RYR2: variants seen among roughly 807,000 people sequenced by gnomAD.
RYR2 encodes ryanodine receptor 2, also known as cardiac muscle ryanodine receptor-calcium release channel.
RYR2 carries 227 observed loss-of-function variants against 601.1 expected under a neutral mutation model. The observed-to-expected ratio is 0.38, with a 90% CI of 0.34 to 0.42. RYR2 has a LOEUF of 0.42. Among genes scored for constraint, RYR2 ranks in the 10% least tolerant of loss-of-function variants. RYR2 has a pLI of 1.00. For missense variants in RYR2, 4,646 were observed against 6,156.5 expected, an observed-to-expected ratio of 0.75 and a Z score of 8.21; for synonymous variants, 2,223 against 2,175.1, an observed-to-expected ratio of 1.02 and a Z score of -0.61.
At chr1:237,370,371 T>C (rs1344255657) in intron 6 of RYR2, among the ~76,000 whole-genome samples, 1 of 152,044 alleles carries the variant, frequency 6.6e-6, no homozygotes, top group Non-Finnish European at 1.5e-5. Context: ...TTGTATGTAT[T>C]ATATACTGTA....
At chr1:237,103,110 T>C (rs567093489) in intron 1 of RYR2, among the ~76,000 whole-genome samples, 2 of 152,290 alleles carry the variant, frequency 1.3e-5, no homozygotes, top group East Asian at 1.9e-4. Flanking sequence ...ATTATAGTAC[T>C]GTGGAGCTGG....
At chr1:237,611,031 G>A (rs1159485270) in intron 36 of RYR2, 43 bp downstream of exon 36, 2 of 1,549,596 alleles carry the variant, frequency 1.3e-6, no homozygotes, top group Middle Eastern at 1.8e-4. Context: ...GGGACGCTTG[G>A]GATTAGCCTG....
chr1:237,634,809 TAA>T, intron 43 of RYR2, 78 bp from the exon 44 acceptor site: 1 of 1,030,592 alleles, frequency 9.7e-7, no homozygotes, highest in East Asian at 2.6e-5. Context: ...AATTAAATTT[TAA>T]GAGGTAGTAT....
chr1:237,058,636 G>A (rs1344461699), intron 1 of RYR2, among the ~76,000 whole-genome samples: 1 of 152,154 alleles, frequency 6.6e-6, no homozygotes, highest in African/African-American at 2.4e-5. Flanking sequence ...TTCCTTGGAG[G>A]CGGGGCGTGG....
chr1:237,400,834 G>A (rs193203190), intron 10 of RYR2, among the ~76,000 whole-genome samples: 3 of 152,146 alleles, frequency 2.0e-5, no homozygotes, highest in Non-Finnish European at 2.9e-5. Flanking sequence ...AATGAATTTA[G>A]TGTTTGGAGC....
intron 84 of RYR2, among the ~76,000 whole-genome samples, chr1:237,767,072 C>A (rs558663360): frequency 2.6e-4 from 39 of 152,212 alleles, no homozygotes; most frequent in Middle Eastern, 6.8e-3. Context: ...ATTCGATTCT[C>A]CCAACAGTCC....
At chr1:237,817,993 G>C (rs1354348490) in intron 100 of RYR2, among the ~76,000 whole-genome samples, 2 of 152,210 alleles carry the variant, frequency 1.3e-5, no homozygotes, top group Non-Finnish European at 2.9e-5. Flanking sequence ...TATTGCAAGA[G>C]AAGGAGAATG....
intron 3 of RYR2, among the ~76,000 whole-genome samples, chr1:237,347,732 A>G (rs1289961057): frequency 6.6e-6 from 1 of 152,160 alleles, no homozygotes; most frequent in Non-Finnish European, 1.5e-5. Flanking sequence ...CTATTAGTAG[A>G]CTAATACTCC....
intron 17 of RYR2, among the ~76,000 whole-genome samples, chr1:237,471,552 G>T (rs1660722434): frequency 6.6e-6 from 1 of 152,320 alleles, no homozygotes; most frequent in East Asian, 1.9e-4. Context: ...TATCTGTAAA[G>T]AGATAGGTGC....
At chr1:237,384,132 C>T (rs541746801) in intron 8 of RYR2, among the ~76,000 whole-genome samples, 64 of 152,260 alleles carry the variant, frequency 4.2e-4, no homozygotes, top group Admixed American at 5.2e-4. Context: ...GAAGAGTAGA[C>T]CTTATTTAGA....
chr1:237,762,679 T>G (rs1438414801), intron 84 of RYR2, among the ~76,000 whole-genome samples: 1 of 152,218 alleles, frequency 6.6e-6, no homozygotes, highest in Non-Finnish European at 1.5e-5. Flanking sequence ...GAGTGACCAT[T>G]CTGATGTGAG....
At chr1:237,489,046 A>T (rs1224961764) in intron 17 of RYR2, among the ~76,000 whole-genome samples, 2 of 152,206 alleles carry the variant, frequency 1.3e-5, no homozygotes, top group Non-Finnish European at 2.9e-5. Flanking sequence ...TTGTAGTGTG[A>T]AAGCAGCCAT....
At position 237,369,967 on chromosome 1, in the gene RYR2, A is replaced by G. The variant is rs928381635; in HGVS notation, c.384+359A>G. Among the ~76,000 whole-genome samples, 3 of 152,062 alleles carry G rather than the reference A, an allele frequency of 2.0e-5. No individual in the cohort carries two copies. In the South Asian group the frequency reaches 6.2e-4, roughly 32 times the overall value. On this transcript the variant is annotated intron_variant, in intron 6 of 104. Transcript: ENST00000366574. The stretch of plus-strand genomic sequence containing the variant: ...TAAGGTATCTTTATTGAAAGATCAG[A>G]TTTAAGAAAATCTACCTGTGAGCTC...
chr1:237,547,369 A>G (rs1164893942), intron 25 of RYR2, among the ~76,000 whole-genome samples: 1 of 152,184 alleles, frequency 6.6e-6, no homozygotes, highest in Non-Finnish European at 1.5e-5. Context: ...GTAACTTAGC[A>G]TAATTACCTA....
chr1:237,683,080 G>C (rs1364356970), intron 62 of RYR2, among the ~76,000 whole-genome samples: 5 of 152,002 alleles, frequency 3.3e-5, no homozygotes, highest in Non-Finnish European at 1.5e-5. Flanking sequence ...ACTTTTAAAG[G>C]GAACTTAATT....
chr1:237,741,058 T>A (rs1331857563), intron 79 of RYR2, among the ~76,000 whole-genome samples: 1 of 152,214 alleles, frequency 6.6e-6, no homozygotes, highest in Non-Finnish European at 1.5e-5. Context: ...TCTTTGCTTT[T>A]GTGATGAAAT....
intron 79 of RYR2, among the ~76,000 whole-genome samples, chr1:237,741,214 A>G (rs574788185): frequency 6.6e-6 from 1 of 152,292 alleles, no homozygotes; most frequent in South Asian, 2.1e-4. Flanking sequence ...AGGGTAGTAT[A>G]TATTTGTTGA....
At chr1:237,152,731 C>T (rs1674865978) in intron 1 of RYR2, among the ~76,000 whole-genome samples, 1 of 152,122 alleles carries the variant, frequency 6.6e-6, no homozygotes, top group African/African-American at 2.4e-5. Flanking sequence ...CAATGCCATT[C>T]AGGACATAGG....
intron 80 of RYR2, among the ~76,000 whole-genome samples, chr1:237,753,340 G>A (rs763583862): frequency 6.6e-6 from 1 of 152,126 alleles, no homozygotes; most frequent in Non-Finnish European, 1.5e-5. Flanking sequence ...AAATATAGTT[G>A]TTTCTCTTCA....
Sources: allele counts gnomAD v4.1 joint callset (sites outside exome capture counted in the v4.1 genomes callset), GRCh38; gene constraint gnomAD v4.1.1; transcripts MANE v1.5; gene names NCBI Gene and HGNC (gene_info 2026-07-23, HGNC 2026-07-21).